Variants in ZNF462 observed in about 807,000 individuals in gnomAD.
ZNF462 encodes the protein zinc finger PBX1-interacting protein.
In ZNF462, 10 loss-of-function variants were observed where a neutral mutation model predicts 201.9. The observed-to-expected ratio is 0.05, with a 90% CI of 0.03 to 0.08. ZNF462 has a LOEUF of 0.08. Among genes scored for constraint, ZNF462 ranks in the 10% least tolerant of loss-of-function variants. ZNF462 has a pLI of 1.00. For missense variants in ZNF462, 2,523 were observed against 3,168.3 expected, an observed-to-expected ratio of 0.80 and a Z score of 4.89; for synonymous variants, 1,227 against 1,193.3, an observed-to-expected ratio of 1.03 and a Z score of -0.58.
chr9:106,999,464 A>G (rs1370104260), intron 10 of ZNF462, among the ~76,000 whole-genome samples: 2 of 152,194 alleles, frequency 1.3e-5, no homozygotes, highest in African/African-American at 2.4e-5. Context: ...AACATGTTTA[A>G]TAGTGGAAAG....
chr9:106,861,242 G>C (rs10978662), upstream of ZNF462, among the ~76,000 whole-genome samples: 29,205 of 151,916 alleles, frequency 0.19, 3,555 homozygotes, highest in African/African-American at 0.34. Flanking sequence ...ATAGGGTCGG[G>C]AAAATCTTGG....
At chr9:106,939,815 A>C (rs1157278506) in intron 7 of ZNF462, among the ~76,000 whole-genome samples, 1 of 152,218 alleles carries the variant, frequency 6.6e-6, no homozygotes, top group Non-Finnish European at 1.5e-5. Flanking sequence ...TTGTTTTTAT[A>C]AGACCAGGAA....
chr9:106,993,502 AC>A lies in ZNF462; in HGVS notation c.7056+9094del, dbSNP rs1429536373. On this transcript the variant is annotated intron_variant, in intron 10 of 12. Coordinates refer to ENST00000277225, the MANE Select transcript of ZNF462 (RefSeq NM_021224.6). The surrounding 1 kb of genome is among the most constrained non-coding windows in gnomAD (Gnocchi z 4.0). ...TGTAATCTCTTAGGATCTAAAGGAA[AC>A]AGTGCAGGTTATTTGAAATTTTATT... 6.6e-6 allele frequency among the ~76,000 whole-genome samples: 1 copy of A among 152,054 alleles called. No individual in the cohort carries two copies. The highest frequency in any genetic ancestry group is 1.5e-5 in the Non-Finnish European group (1 of 68,010).
chr9:106,879,929 G>T (rs74569031), intron 1 of ZNF462, among the ~76,000 whole-genome samples: 2 of 152,206 alleles, frequency 1.3e-5, no homozygotes, highest in Non-Finnish European at 2.9e-5. Flanking sequence ...CACTTGGCTG[G>T]ATATTCAGTG....
At chr9:106,988,778 G>A (rs1828043920) in intron 10 of ZNF462, among the ~76,000 whole-genome samples, 1 of 151,940 alleles carries the variant, frequency 6.6e-6, no homozygotes, top group Non-Finnish European at 1.5e-5. Flanking sequence ...ATATTCCTAA[G>A]TACTTTATTT....
chr9:106,982,064 G>T (rs1827476039), intron 9 of ZNF462, among the ~76,000 whole-genome samples: 1 of 152,192 alleles, frequency 6.6e-6, no homozygotes, highest in Non-Finnish European at 1.5e-5. Context: ...AGGTCTAAAG[G>T]CATATCCCCA....
chr9:106,943,802 TTG>T (rs1251721703), intron 7 of ZNF462, among the ~76,000 whole-genome samples: 1 of 152,204 alleles, frequency 6.6e-6, no homozygotes, highest in African/African-American at 2.4e-5. Context: ...GTTCTGTTAA[TTG>T]TACTGGGTCC....
chr9:106,957,477 AGTACCT>A (rs1831632690), intron 7 of ZNF462, among the ~76,000 whole-genome samples: 1 of 152,180 alleles, frequency 6.6e-6, no homozygotes, highest in African/African-American at 2.4e-5. Context: ...ACAGGAAATG[AGTACCT>A]GTTGCTGGAA....
intron 1 of ZNF462, among the ~76,000 whole-genome samples, chr9:106,864,637 G>C (rs1385230827): frequency 3.9e-5 from 6 of 152,094 alleles, no homozygotes; most frequent in Admixed American, 1.3e-4. Flanking sequence ...AACCTACAGA[G>C]AGGGAGGGAG....
chr9:106,877,506 CAG>C (rs1827886938), intron 1 of ZNF462, among the ~76,000 whole-genome samples: 1 of 151,762 alleles, frequency 6.6e-6, no homozygotes, highest in Non-Finnish European at 1.5e-5. Context: ...TCCTCCACCT[CAG>C]CCTCCCGAGT....
At position 106,950,980 on chromosome 9, in the gene ZNF462, C is replaced by T. The variant is rs1311614772; in HGVS notation, c.6427+11873C>T. On this transcript the variant is annotated intron_variant, in intron 7 of 12. Transcript: ENST00000277225. This position sits in a 1 kb window ranked among gnomAD's most constrained non-coding sequence, Gnocchi z 4.1. ...TGGCGAGCGCCTGTAATTCCAGCCA[C>T]TCCGGAGGCTGAGGTGGGAGAATTG... Among the ~76,000 whole-genome samples, 1 of 151,940 alleles carries T rather than the reference C, an allele frequency of 6.6e-6. No individual in the cohort carries two copies. Among genetic ancestry groups the T allele is most frequent in the Non-Finnish European group, 1.5e-5 (1 of 68,004 alleles).
In ZNF462 at chr9:106,928,232, G is replaced by GGAAGCT; in HGVS notation, c.4324_4329dup (p.Ala1442_Glu1443dup). 6.2e-7 allele frequency: 1 copy of GGAAGCT among 1,614,112 alleles called. No individual in the cohort carries two copies. On this transcript the variant is annotated inframe_insertion, in exon 3 of 13. Coordinates refer to ENST00000277225, the MANE Select transcript of ZNF462 (RefSeq NM_021224.6). This position sits in a 1 kb window ranked among gnomAD's most constrained non-coding sequence, Gnocchi z 9.3. ...GTATACCCACCCCTTTCCCGGAGCAGGAAGCTGAATGTCCAGAGGATGCAA... is the reference window on the plus strand; with the variant it reads ...GTATACCCACCCCTTTCCCGGAGCAGGAAGCTGAAGCTGAATGTCCAGAGGATGCAA...
Position 106,925,515 on chromosome 9 carries a change from G to T in ZNF462, c.1603G>T (p.Asp535Tyr), listed in dbSNP as rs113231373. 6.2e-7 allele frequency: 1 copy of T among 1,613,948 alleles called. No homozygotes were observed. The change falls in exon 3 of 13, where the codon GAT (aspartate) becomes TAT (tyrosine). Residue 535 changes from aspartate to tyrosine, a missense_variant. By Grantham distance (160) the Asp-to-Tyr change is radical. This residue lies in a region of ZNF462 where 383 missense variants were observed against 453.4 expected (regional missense o/e 0.84). Coordinates refer to ENST00000277225, the MANE Select transcript of ZNF462 (RefSeq NM_021224.6). This position sits in a 1 kb window ranked among gnomAD's most constrained non-coding sequence, Gnocchi z 7.9. The stretch of plus-strand genomic sequence containing the variant: ...TGGTAGAAAGTCAGGAGTCATGTTG[G>T]ATCCCTTGCAGCAGCAACAGCCACC... The part of the protein sequence containing the change: ...INGRKSGVML[D>Y]PLQQQQPPQP...
chr9:106,860,199 T>C (rs1227673390), upstream of ZNF462, among the ~76,000 whole-genome samples: 14 of 152,206 alleles, frequency 9.2e-5, no homozygotes, highest in Admixed American at 9.2e-4. The surrounding 1 kb of genome is among the most constrained non-coding windows in gnomAD (Gnocchi z 7.1). Flanking sequence ...GCTTTCTCTA[T>C]CTCGGTCGCT....
At chr9:106,983,436 A>G (rs573031663) in intron 9 of ZNF462, among the ~76,000 whole-genome samples, 15 of 152,264 alleles carry the variant, frequency 9.9e-5, no homozygotes, top group African/African-American at 3.6e-4. Context: ...TAGTGAATGA[A>G]AGTGTACAGG....
rs1185227031 is a variant in ZNF462, at chr9:106,883,393, G to C, written c.-31+20038G>C. On this transcript the variant is annotated intron_variant, in intron 1 of 12. Coordinates refer to ENST00000277225, the MANE Select transcript of ZNF462 (RefSeq NM_021224.6). This position sits in a 1 kb window ranked among gnomAD's most constrained non-coding sequence, Gnocchi z 4.9. ...TATTAATGCTGGCCCAGTGAAGGCA[G>C]AATAGTGTGCGGATGGAAAATGAAA... Among the ~76,000 whole-genome samples, 1 of 152,234 alleles carries C rather than the reference G, an allele frequency of 6.6e-6. No homozygotes were observed. The highest frequency in any genetic ancestry group is 1.9e-4 in the East Asian group (1 of 5,194).
In ZNF462 at chr9:107,008,285, A is replaced by G. The variant is rs561697082; in HGVS notation, c.7190-1260A>G. Among the ~76,000 whole-genome samples, 1 of 152,322 alleles carries G rather than the reference A, an allele frequency of 6.6e-6. No homozygotes were observed. The highest frequency in any genetic ancestry group is 1.9e-4 in the East Asian group (1 of 5,186). On this transcript the variant is annotated intron_variant, in intron 11 of 12. Transcript: ENST00000277225. This position sits in a 1 kb window ranked among gnomAD's most constrained non-coding sequence, Gnocchi z 4.8. ...ATCAAGGAAGATAGTCTGTGCAATTATTTTTAATGGCTTGTGTGGTGATCT... is the reference window on the plus strand; with the variant it reads ...ATCAAGGAAGATAGTCTGTGCAATTGTTTTTAATGGCTTGTGTGGTGATCT...
chr9:106,920,393 T>C lies in ZNF462; in HGVS notation c.-30-2961T>C, dbSNP rs1829943879. Among the ~76,000 whole-genome samples, 1 of 152,162 alleles carries C rather than the reference T, an allele frequency of 6.6e-6. No individual in the cohort carries two copies. The highest frequency in any genetic ancestry group is 2.1e-4 in the South Asian group (1 of 4,822). ...CTTCTGTCAGCGTCTTCAGGAGAAA[T>C]GTGTACACAAAAGCAAGATGGCTTT... On this transcript the variant is annotated intron_variant, in intron 1 of 12. Transcript: ENST00000277225. The surrounding 1 kb of genome is among the most constrained non-coding windows in gnomAD (Gnocchi z 4.3).
At chr9:106,942,861 A>T (rs185383893) in intron 7 of ZNF462, among the ~76,000 whole-genome samples, 51 of 152,342 alleles carry the variant, frequency 3.3e-4, no homozygotes, top group Non-Finnish European at 6.0e-4. Context: ...GCCAGTGGTG[A>T]CATTCCATCT....
Sources: gnomAD v4.1 joint callset for allele counts (sites outside exome capture counted in the v4.1 genomes callset) on GRCh38, gnomAD v4.1.1 for gene constraint, gnomAD v4.1.1 regional missense constraint, Gnocchi (gnomAD v3.1) non-coding constraint, MANE v1.5 for transcripts, NCBI Gene and HGNC (gene_info 2026-07-23, HGNC 2026-07-21) for gene names.